Variants in CCR9 observed in about 807,000 individuals in gnomAD.
CCR9 encodes C-C chemokine receptor type 9.
A neutral mutation model predicts 8.7 loss-of-function variants in CCR9; 4 were observed. The observed-to-expected ratio is 0.46, with a 90% CI of 0.23 to 1.06. CCR9 has a LOEUF of 1.06. Ranked by LOEUF, CCR9 falls within the 50% of genes least tolerant of loss-of-function variation. CCR9 has a pLI of 0.21. For missense variants in CCR9, 394 were observed against 453.6 expected, an observed-to-expected ratio of 0.87 and a Z score of 1.19; for synonymous variants, 159 against 168.8, an observed-to-expected ratio of 0.94 and a Z score of 0.45.
chr3:45,889,344 G>A (rs992476636), intron 1 of CCR9, among the ~76,000 whole-genome samples: 1 of 152,074 alleles, frequency 6.6e-6, no homozygotes, highest in Admixed American at 6.5e-5. Flanking sequence ...GAAAGCTAGT[G>A]TACAACTTAG....
intron 1 of CCR9, among the ~76,000 whole-genome samples, chr3:45,893,779 A>G (rs1257460219): frequency 6.6e-6 from 1 of 152,250 alleles, no homozygotes; most frequent in East Asian, 1.9e-4. Flanking sequence ...ATGGGGACAT[A>G]TACTTACAAT....
At position 45,894,898 on chromosome 3, in the gene CCR9, T is replaced by C; in HGVS notation, c.-28-8T>C. On this transcript the variant is annotated splice_polypyrimidine_tract_variant and splice_region_variant and intron_variant, in intron 1 of 2. Transcript: ENST00000357632. ...CAGTCCACTTTTTGATTTTTGTCCC[T>C]TTTCCAGGAGCAGGCTTGCATCTGA... 5 of 1,610,722 alleles carry C rather than the reference T, an allele frequency of 3.1e-6. No individual in the cohort carries two copies. The highest frequency in any genetic ancestry group is 4.2e-6 in the Non-Finnish European group (5 of 1,177,010).
In CCR9 at chr3:45,901,402, A is replaced by G; in HGVS notation, c.614A>G (p.Asp205Gly). 2 of 1,614,202 alleles carry G rather than the reference A, an allele frequency of 1.2e-6. No homozygotes were observed. The highest frequency in any genetic ancestry group is 1.7e-6 in the Non-Finnish European group (2 of 1,180,042). The change falls in exon 3 of 3, where the codon GAT (aspartate) becomes GGT (glycine). Residue 205 changes from aspartate to glycine, a missense_variant. Asp to Gly is a moderately conservative substitution (Grantham distance 94). Transcript: ENST00000357632. This position sits in a 1 kb window ranked among gnomAD's most constrained non-coding sequence, Gnocchi z 4.3. ...ATCTGCACCATGGTTTACCCTAGCG[A>G]TGAGAGCACCAAACTGAAGTCAGCT... is the stretch of plus-strand genomic sequence containing the variant. ...IAICTMVYPS[D>G]ESTKLKSAVL...
intron 2 of CCR9, 29 bp downstream of exon 2, chr3:45,894,983 T>C: frequency 6.2e-7 from 1 of 1,610,312 alleles, no homozygotes; most frequent in African/African-American, 1.3e-5. Flanking sequence ...CTCTGGCTCC[T>C]CAAAACACAC....
chr3:45,891,339 C>T (rs1375042530), intron 1 of CCR9, among the ~76,000 whole-genome samples: 1 of 152,204 alleles, frequency 6.6e-6, no homozygotes, highest in Non-Finnish European at 1.5e-5. Flanking sequence ...TAATTTCAAG[C>T]TCACTGAAAA....
At chr3:45,889,215 C>T (rs1340170860) in intron 1 of CCR9, among the ~76,000 whole-genome samples, 2 of 152,030 alleles carry the variant, frequency 1.3e-5, no homozygotes, top group Admixed American at 1.3e-4. Flanking sequence ...AAATTCCTGG[C>T]CTCAAGTGAT....
chr3:45,895,092 C>CCAG, intron 2 of CCR9, 138 bp downstream of exon 2: 1 of 907,218 alleles, frequency 1.1e-6, no homozygotes, highest in Non-Finnish European at 1.8e-6. Context: ...TGGCAATGCG[C>CCAG]ATTGCTGGGT....
intron 1 of CCR9, among the ~76,000 whole-genome samples, chr3:45,890,379 G>C (rs1173909368): frequency 1.2e-4 from 2 of 17,360 alleles, no homozygotes; most frequent in Non-Finnish European, 2.8e-4. Flanking sequence ...TATATAAAGT[G>C]TTTTCTAATT....
chr3:45,895,019 TGGGAAGGATCCACTGTGG>T, intron 2 of CCR9, 65 bp downstream of exon 2: 1 of 1,507,616 alleles, frequency 6.6e-7, no homozygotes, highest in Non-Finnish European at 9.2e-7. Flanking sequence ...TTAGGGGGTG[TGGGAAGGATCCACTGTGG>T]GGGAAGGATT....
chr3:45,894,483 G>C (rs1702287767), intron 1 of CCR9, among the ~76,000 whole-genome samples: 1 of 152,198 alleles, frequency 6.6e-6, no homozygotes. Flanking sequence ...TTAGCTGATA[G>C]AGCAGGGGGA....
At chr3:45,893,103 T>C (rs1347370123) in intron 1 of CCR9, among the ~76,000 whole-genome samples, 1 of 151,974 alleles carries the variant, frequency 6.6e-6, no homozygotes, top group Non-Finnish European at 1.5e-5. Flanking sequence ...AGGTTTCCTT[T>C]GTACCCACCT....
intron 1 of CCR9, among the ~76,000 whole-genome samples, chr3:45,893,140 T>C (rs1487725282): frequency 6.7e-6 from 1 of 150,174 alleles, no homozygotes; most frequent in African/African-American, 2.4e-5. Flanking sequence ...ACACTCCCCT[T>C]CCCTCTCTCT....
At chr3:45,897,670 C>A in intron 2 of CCR9, 1 of 1,422,792 alleles carries the variant, frequency 7.0e-7, no homozygotes, top group Non-Finnish European at 9.4e-7. Flanking sequence ...GGCCTTCCCA[C>A]CTGCCCCCTC....
At chr3:45,893,275 C>T (rs1315316036) in intron 1 of CCR9, among the ~76,000 whole-genome samples, 1 of 152,138 alleles carries the variant, frequency 6.6e-6, no homozygotes, top group Non-Finnish European at 1.5e-5. Context: ...CTGCCTCAGC[C>T]TCCTGAGTAG....
chr3:45,896,417 T>C (rs1056252692), intron 2 of CCR9, among the ~76,000 whole-genome samples: 1 of 152,190 alleles, frequency 6.6e-6, no homozygotes, highest in Non-Finnish European at 1.5e-5. Flanking sequence ...CCATATTCCA[T>C]GGAAAGTAGC....
chr3:45,894,223 G>A (rs1027394103), intron 1 of CCR9, among the ~76,000 whole-genome samples: 1 of 152,180 alleles, frequency 6.6e-6, no homozygotes, highest in African/African-American at 2.4e-5. Flanking sequence ...CTGTGCATTA[G>A]GGAACTAGAA....
chr3:45,893,630 C>T (rs1243590275), intron 1 of CCR9, among the ~76,000 whole-genome samples: 1 of 152,224 alleles, frequency 6.6e-6, no homozygotes, highest in Non-Finnish European at 1.5e-5. Flanking sequence ...CTGTGTGAAT[C>T]GGTCATTCAT....
chr3:45,897,629 T>C (rs1441136561), intron 2 of CCR9: 3 of 1,534,044 alleles, frequency 2.0e-6, no homozygotes, highest in Non-Finnish European at 2.6e-6. Context: ...TCCAGGACCT[T>C]AGCCCAGGAC....
In CCR9 at chr3:45,894,689, A is replaced by C. The variant is rs1052013877; in HGVS notation, c.-28-217A>C. ...ATCAGGTGACCCTCAGAGTCAAAGA[A>C]GTGAATGATAACTTCAAAGGAGAGG... On this transcript the variant is annotated intron_variant, in intron 1 of 2. Transcript: ENST00000357632. Among the ~76,000 whole-genome samples the C allele has an allele frequency of 2.0e-5, 3 of 152,210 alleles. No individual in the cohort carries two copies. The East Asian group carries it at 5.8e-4, about 29-fold the overall frequency.
Sources: allele counts gnomAD v4.1 joint callset (sites outside exome capture counted in the v4.1 genomes callset), GRCh38; gene constraint gnomAD v4.1.1; non-coding constraint Gnocchi (gnomAD v3.1); transcripts MANE v1.5; gene names NCBI Gene and HGNC (gene_info 2026-07-23, HGNC 2026-07-21).